ACYP2: variants seen among roughly 807,000 people sequenced by gnomAD.
ACYP2 encodes acylphosphatase-2.
Under a neutral mutation model 11.2 loss-of-function variants are expected in ACYP2, and 12 were observed. The observed-to-expected ratio is 1.08, with a 90% CI of 0.69 to 1.74. The LOEUF is 1.74. Ranked by LOEUF, ACYP2 falls within the 40% of genes most tolerant of loss-of-function variation. The probability of loss-of-function intolerance (pLI) is 0.00; values close to 1 mark genes in which losing one functional copy is unlikely to be tolerated. For missense variants in ACYP2, 134 were observed against 101.9 expected (o/e 1.31, Z -1.35); for synonymous variants, 43 against 32.2 (o/e 1.33, Z -1.13).
rs111961918 is a variant in ACYP2 at position 54,096,029 on chromosome 2, C to T, written c.277+38669C>T. ...CTGACCCCCCCACCTCCCTCCCGGACGGGGCGGCTGGCCGGGCGGGGGGCT... is the reference window on the plus strand; with the variant it reads ...CTGACCCCCCCACCTCCCTCCCGGATGGGGCGGCTGGCCGGGCGGGGGGCT... On this transcript the variant is annotated intron_variant, in intron 4 of 6. Coordinates refer to ENST00000607452, the MANE Select transcript of ACYP2 (RefSeq NM_001320586.2). Among the ~76,000 whole-genome samples the T allele has an allele frequency of 9.4e-3, 585 of 62,436 alleles. 23 individuals are homozygous for T. The highest frequency in any genetic ancestry group is 0.04 in the African/African-American group (512 of 12,932). 41.0% of individuals were successfully genotyped at this position (62,436 alleles called of 152,430 possible). A position where few individuals can be genotyped will look rare whatever the true frequency, so the allele number is the denominator to read the frequency against.
At chr2:54,299,502 G>A (rs1374745922) in intron 6 of ACYP2, among the ~76,000 whole-genome samples, 5 of 150,546 alleles carry the variant, frequency 3.3e-5, no homozygotes, top group Non-Finnish European at 5.9e-5. Context: ...TGAGGTGGGA[G>A]AATTGCTTGA....
intron 6 of ACYP2, among the ~76,000 whole-genome samples, chr2:54,285,443 C>A (rs2104127183): frequency 6.6e-6 from 1 of 152,320 alleles, no homozygotes; most frequent in South Asian, 2.1e-4. Flanking sequence ...CATTAAATAT[C>A]ATCTGTAATC....
intron 4 of ACYP2, among the ~76,000 whole-genome samples, chr2:54,083,754 C>T (rs975021925): frequency 2.0e-5 from 3 of 152,078 alleles, no homozygotes; most frequent in Non-Finnish European, 2.9e-5. Context: ...TCCCCCCAGA[C>T]CCTGGGGCAT....
At chr2:54,266,337 G>C (rs1005072749) in intron 6 of ACYP2, among the ~76,000 whole-genome samples, 4 of 152,126 alleles carry the variant, frequency 2.6e-5, no homozygotes, top group Non-Finnish European at 5.9e-5. Flanking sequence ...TATGATCCTT[G>C]TTTGGGGTAG....
rs56817782 is a variant in ACYP2, at chr2:54,038,673, C to CTATATA, written c.63-12250_63-12245dup. On this transcript the variant is annotated intron_variant, in intron 2 of 6. Coordinates refer to ENST00000607452, the MANE Select transcript of ACYP2 (RefSeq NM_001320586.2). ...TCATTCAATAAATCTTTATTGAATA[C>CTATATA]TATATATATATATATATATATATAT... Among the ~76,000 whole-genome samples the CTATATA allele has an allele frequency of 5.2e-3, 546 of 105,852 alleles. 9 individuals carry two copies. Among genetic ancestry groups the CTATATA allele is most frequent in the Middle Eastern group, 0.012 (2 of 170 alleles). The allele number at this position is 105,852 out of a possible 152,430, so 69.4% of individuals were successfully genotyped here.
chr2:54,201,693 TC>T (rs1684838023), intron 6 of ACYP2, among the ~76,000 whole-genome samples: 1 of 148,078 alleles, frequency 6.8e-6, no homozygotes, highest in Admixed American at 6.8e-5. Context: ...TCTCTCTCTC[TC>T]TCTCTTTTTT....
intron 4 of ACYP2, among the ~76,000 whole-genome samples, chr2:54,095,597 T>C (rs1372005303): frequency 6.8e-6 from 1 of 146,764 alleles, no homozygotes; most frequent in African/African-American, 2.6e-5. Flanking sequence ...ACGGGGCGGC[T>C]GGCCGAGTGG....
chr2:54,081,808 G>A (rs950668471), intron 4 of ACYP2, among the ~76,000 whole-genome samples: 9 of 152,142 alleles, frequency 5.9e-5, no homozygotes, highest in Non-Finnish European at 1.0e-4. Flanking sequence ...TTTCCCATGT[G>A]TGGCCACCTG....
At chr2:54,125,908 T>C (rs1037243565) in intron 4 of ACYP2, among the ~76,000 whole-genome samples, 2 of 151,546 alleles carry the variant, frequency 1.3e-5, no homozygotes, top group Admixed American at 1.3e-4. Flanking sequence ...TGGAGAAACC[T>C]GGTTTCTACT....
chr2:54,170,095 G>T (rs1683161918), intron 6 of ACYP2, among the ~76,000 whole-genome samples: 1 of 152,050 alleles, frequency 6.6e-6, no homozygotes, highest in African/African-American at 2.4e-5. Flanking sequence ...TATATTTTTA[G>T]AACTATGTAA....
chr2:54,267,334 C>G (rs1232372602), intron 6 of ACYP2: 1 of 1,548,516 alleles, frequency 6.5e-7, no homozygotes, highest in African/African-American at 1.4e-5. Context: ...AGAAAAGAAA[C>G]AAGATAGGGC....
intron 2 of ACYP2, among the ~76,000 whole-genome samples, chr2:54,000,898 A>T (rs1354015255): frequency 1.3e-5 from 2 of 152,228 alleles, no homozygotes; most frequent in African/African-American, 4.8e-5. Context: ...TGGTACATTT[A>T]GAGTGAGTTT....
At chr2:54,112,207 C>A (rs1318450507) in intron 4 of ACYP2, among the ~76,000 whole-genome samples, 1 of 152,074 alleles carries the variant, frequency 6.6e-6, no homozygotes, top group Admixed American at 6.6e-5. Flanking sequence ...GATCACAAAC[C>A]AATTGTCTTA....
chr2:54,188,016 A>G (rs575361681), intron 6 of ACYP2, among the ~76,000 whole-genome samples: 55 of 152,344 alleles, frequency 3.6e-4, no homozygotes, highest in Non-Finnish European at 5.9e-4. Flanking sequence ...TTAGAAGCAG[A>G]GAGACCGGGC....
intron 4 of ACYP2, among the ~76,000 whole-genome samples, chr2:54,057,967 T>C (rs559910044): frequency 2.7e-4 from 41 of 152,312 alleles, no homozygotes; most frequent in Non-Finnish European, 4.7e-4. Context: ...ATATTTTAAA[T>C]TCATATTTCA....
intron 2 of ACYP2, among the ~76,000 whole-genome samples, chr2:53,982,439 T>A (rs1401985536): frequency 6.6e-6 from 1 of 152,172 alleles, no homozygotes; most frequent in Non-Finnish European, 1.5e-5. Flanking sequence ...CAGAGATCGT[T>A]AGATGAATGA....
intron 2 of ACYP2, among the ~76,000 whole-genome samples, chr2:53,978,780 A>G (rs902369563): frequency 1.3e-5 from 2 of 152,172 alleles, no homozygotes; most frequent in Non-Finnish European, 2.9e-5. Flanking sequence ...AACATTAGCC[A>G]GGTATGGTGG....
chr2:54,100,308 T>A (rs1283216399), intron 4 of ACYP2, among the ~76,000 whole-genome samples: 3 of 150,816 alleles, frequency 2.0e-5, no homozygotes, highest in African/African-American at 7.3e-5. Context: ...ACTTCCTTTT[T>A]TTTTTTTTTT....
At chr2:54,000,234 G>A (rs756782255) in intron 2 of ACYP2, among the ~76,000 whole-genome samples, 1 of 152,044 alleles carries the variant, frequency 6.6e-6, no homozygotes, top group Non-Finnish European at 1.5e-5. Context: ...TTTAGAAAAA[G>A]CTATTCCCCA....
Sources: gnomAD v4.1 joint callset for allele counts (sites outside exome capture counted in the v4.1 genomes callset) on GRCh38, gnomAD v4.1.1 for gene constraint, MANE v1.5 for transcripts, NCBI Gene and HGNC (gene_info 2026-07-23, HGNC 2026-07-21) for gene names.